Variants in NMBR observed in about 807,000 individuals in gnomAD.
The protein encoded by NMBR is neuromedin B receptor, also known as neuromedin-B receptor.
NMBR carries 16 observed loss-of-function variants against 20.5 expected under a neutral mutation model. The ratio of observed to expected loss-of-function variants is 0.78; its 90% CI spans 0.53 to 1.19. The LOEUF (loss-of-function observed/expected upper bound fraction) is 1.19. Among genes scored for constraint, NMBR ranks in the 50% most tolerant of loss-of-function variants. NMBR has a pLI of 0.00. For synonymous variants in NMBR, 212 were observed against 196.6 expected, an observed-to-expected ratio of 1.08 and a Z score of -0.65; for missense variants, 582 against 499.1, an observed-to-expected ratio of 1.17 and a Z score of -1.58.
At chr6:142,097,600 G>A (rs1036501303) in intron 1 of NMBR, among the ~76,000 whole-genome samples, 1 of 151,992 alleles carries the variant, frequency 6.6e-6, no homozygotes, top group African/African-American at 2.4e-5. Flanking sequence ...TGTAAACTGG[G>A]GGCTGTCTGT....
intron 2 of NMBR, among the ~76,000 whole-genome samples, chr6:142,086,846 T>C (rs563466123): frequency 6.6e-6 from 1 of 152,302 alleles, no homozygotes; most frequent in African/African-American, 2.4e-5. Context: ...GCCATGTCTT[T>C]AGAATAAAAG....
chr6:142,136,038 A>AG, intron 1 of NMBR, among the ~76,000 whole-genome samples: 1 of 152,184 alleles, frequency 6.6e-6, no homozygotes, highest in South Asian at 2.1e-4. Context: ...GTCAAATGGT[A>AG]TTTCTAGTTC....
chr6:142,112,618 A>C (rs1190678539), intron 1 of NMBR, among the ~76,000 whole-genome samples: 1 of 152,148 alleles, frequency 6.6e-6, no homozygotes, highest in African/African-American at 2.4e-5. Flanking sequence ...AGGATTTGAC[A>C]ATTCGATATT....
chr6:142,133,660 C>T lies in NMBR; in HGVS notation c.-664+13384G>A, dbSNP rs966572969. On this transcript the variant is annotated intron_variant, in intron 1 of 3. Transcript: ENST00000258042. ...AGCCACATGTCCCTATCAACTATTGCTTTTCATATTTTAAGAGTGAGAAAT... is the reference window on the plus strand; with the variant it reads ...AGCCACATGTCCCTATCAACTATTGTTTTTCATATTTTAAGAGTGAGAAAT... Among the ~76,000 whole-genome samples, 3 of 152,198 alleles carry T rather than the reference C, an allele frequency of 2.0e-5. 1 individual carries two copies. The East Asian group carries it at 5.8e-4, about 29-fold the overall frequency.
chr6:142,130,233 C>T (rs920210245), intron 1 of NMBR, among the ~76,000 whole-genome samples: 1 of 151,978 alleles, frequency 6.6e-6, no homozygotes, highest in African/African-American at 2.4e-5. Context: ...CATTACCTTG[C>T]AAAGAGACCT....
intron 1 of NMBR, among the ~76,000 whole-genome samples, chr6:142,095,877 T>C (rs1354234204): frequency 6.6e-6 from 1 of 152,186 alleles, no homozygotes; most frequent in Non-Finnish European, 1.5e-5. Context: ...TGGTTTAGTC[T>C]TGGGAGGGTG....
intron 1 of NMBR, among the ~76,000 whole-genome samples, chr6:142,122,006 T>C (rs1777951335): frequency 2.0e-5 from 3 of 151,896 alleles, no homozygotes; most frequent in Admixed American, 2.0e-4. Flanking sequence ...TACCCAGCAC[T>C]ACTCCCCACA....
chr6:142,096,967 C>A (rs999460388), intron 1 of NMBR, among the ~76,000 whole-genome samples: 1 of 151,948 alleles, frequency 6.6e-6, no homozygotes, highest in African/African-American at 2.4e-5. Context: ...GGTTTAAAGT[C>A]TGTTTTATCA....
At position 142,145,668 on chromosome 6, in the gene NMBR, T is replaced by C. The variant is rs549600026; in HGVS notation, c.-664+1376A>G. On this transcript the variant is annotated intron_variant, in intron 1 of 3. Coordinates refer to ENST00000258042, the MANE Select transcript of NMBR (RefSeq NM_002511.4). ...AATTCATATCTGGTGGTGGCCTTAA[T>C]CTCAATAGCAGGAAATGCTGTTGTA... 7.2e-5 allele frequency among the ~76,000 whole-genome samples: 11 copies of C among 152,336 alleles called. No individual in the cohort carries two copies. The East Asian group carries it at 2.1e-3, about 29-fold the overall frequency.
chr6:142,113,836 A>T (rs1777809978), intron 1 of NMBR, among the ~76,000 whole-genome samples: 2 of 152,206 alleles, frequency 1.3e-5, no homozygotes, highest in Admixed American at 6.5e-5. Context: ...TGTCATAAAC[A>T]TAAAAGATAA....
chr6:142,132,795 A>C (rs1376218672), intron 1 of NMBR, among the ~76,000 whole-genome samples: 4 of 152,186 alleles, frequency 2.6e-5, no homozygotes, highest in African/African-American at 9.7e-5. Context: ...GTCCATTTTT[A>C]GGTAATTGCA....
At position 142,075,696 on chromosome 6, in the gene NMBR, A is replaced by G. The variant is rs373986126; in HGVS notation, c.1125T>C (p.Asn375=). ...LKSNAKNMVT[N]SVLLNGHSMK... Reference sequence around the variant, plus strand: ...TGCTGTGCCCATTTAGTAAAACAGAATTGGTCACCATGTTCTTAGCATTGC... The same window carrying G: ...TGCTGTGCCCATTTAGTAAAACAGAGTTGGTCACCATGTTCTTAGCATTGC... The change falls in exon 4 of 4, where the codon AAT becomes AAC. Residue 375 remains asparagine, a synonymous_variant. Transcript: ENST00000258042. 9.3e-6 allele frequency: 15 copies of G among 1,613,658 alleles called. No individual in the cohort carries two copies. The highest frequency in any genetic ancestry group is 5.5e-5 in the South Asian group (5 of 90,986).
At chr6:142,129,194 T>C (rs913411727) in intron 1 of NMBR, among the ~76,000 whole-genome samples, 1 of 152,000 alleles carries the variant, frequency 6.6e-6, no homozygotes, top group Non-Finnish European at 1.5e-5. Context: ...CAAAAGATTA[T>C]ACATTACTCC....
At chr6:142,115,057 C>T (rs1232248619) in intron 1 of NMBR, among the ~76,000 whole-genome samples, 1 of 152,102 alleles carries the variant, frequency 6.6e-6, no homozygotes, top group Non-Finnish European at 1.5e-5. Flanking sequence ...CTAATTCACT[C>T]AGAGTGATTG....
At chr6:142,092,473 A>G (rs188707114) in intron 1 of NMBR, among the ~76,000 whole-genome samples, 1 of 152,174 alleles carries the variant, frequency 6.6e-6, no homozygotes, top group African/African-American at 2.4e-5. Flanking sequence ...AATATTAAAG[A>G]ATATATATGA....
At chr6:142,080,058 A>T (rs1440968446) in intron 2 of NMBR, among the ~76,000 whole-genome samples, 1 of 152,218 alleles carries the variant, frequency 6.6e-6, no homozygotes, top group Non-Finnish European at 1.5e-5. Flanking sequence ...ACAGGATTTT[A>T]GTTAGACAAA....
At chr6:142,128,736 TTCTA>T (rs918542982) in intron 1 of NMBR, among the ~76,000 whole-genome samples, 1 of 152,136 alleles carries the variant, frequency 6.6e-6, no homozygotes, top group East Asian at 1.9e-4. Context: ...TGTATTATTC[TTCTA>T]TCTATGTTGC....
chr6:142,109,634 ACT>A (rs758411772), intron 1 of NMBR, among the ~76,000 whole-genome samples: 1 of 151,760 alleles, frequency 6.6e-6, no homozygotes, highest in Non-Finnish European at 1.5e-5. Flanking sequence ...TGCAAATCAA[ACT>A]CACAGTGAGT....
intron 1 of NMBR, among the ~76,000 whole-genome samples, chr6:142,131,823 C>T (rs1049965047): frequency 1.3e-5 from 2 of 152,162 alleles, no homozygotes; most frequent in Non-Finnish European, 2.9e-5. Flanking sequence ...TGAAAGGAGA[C>T]ACTGATGATT....
Sources: gnomAD v4.1 joint callset for allele counts (sites outside exome capture counted in the v4.1 genomes callset) on GRCh38, gnomAD v4.1.1 for gene constraint, MANE v1.5 for transcripts, NCBI Gene and HGNC (gene_info 2026-07-23, HGNC 2026-07-21) for gene names.